FLI1: variants seen among roughly 807,000 people sequenced by gnomAD.
FLI1 encodes Fli-1 proto-oncogene, ETS transcription factor.
In FLI1, 13 loss-of-function variants were observed where a neutral mutation model predicts 53.1. The observed-to-expected ratio is 0.24, with a 90% CI of 0.16 to 0.39. The LOEUF (loss-of-function observed/expected upper bound fraction) is 0.39, where lower values mean the gene tolerates loss of function less well. FLI1 is among the 10% of genes least tolerant of loss of function. The pLI is 1.00. For synonymous variants in FLI1, 244 were observed against 236.7 expected (o/e 1.03, Z -0.28); for missense variants, 424 against 600.5 (o/e 0.71, Z 3.07).
intron 1 of FLI1, among the ~76,000 whole-genome samples, chr11:128,694,693 G>A (rs1369524105): frequency 6.6e-6 from 1 of 152,186 alleles, no homozygotes; most frequent in African/African-American, 2.4e-5. Flanking sequence ...CCGCAGAGGC[G>A]GAACACGGCG....
chr11:128,749,597 A>G (rs1940556554), intron 1 of FLI1, among the ~76,000 whole-genome samples: 1 of 152,218 alleles, frequency 6.6e-6, no homozygotes, highest in Non-Finnish European at 1.5e-5. Flanking sequence ...ATAAAGTTCC[A>G]TCTGAGTTCA....
intron 1 of FLI1, among the ~76,000 whole-genome samples, chr11:128,704,347 G>A (rs532573898): frequency 7.9e-5 from 12 of 152,180 alleles, no homozygotes; most frequent in South Asian, 2.1e-4. Context: ...GAGTTTCTCC[G>A]AGCTGGTTGT....
intron 3 of FLI1, 77 bp from the exon 4 acceptor site, chr11:128,772,705 G>T: frequency 1.8e-6 from 2 of 1,119,512 alleles, no homozygotes; most frequent in South Asian, 2.5e-5. Context: ...GGGACAAGGG[G>T]TGAGGGAGGC....
intron 1 of FLI1, among the ~76,000 whole-genome samples, chr11:128,687,109 T>C (rs1160071291): frequency 6.6e-6 from 1 of 152,256 alleles, no homozygotes; most frequent in Non-Finnish European, 1.5e-5. Flanking sequence ...CCTGTTTGCA[T>C]GTGGGCGTGT....
upstream of FLI1, chr11:128,692,576 G>T (rs1937794396): frequency 6.6e-6 from 1 of 152,156 alleles, no homozygotes; most frequent in Non-Finnish European, 1.5e-5. Flanking sequence ...CTAATTTCTA[G>T]AGAGGGAGGG....
At position 128,810,406 on chromosome 11, in the gene FLI1, C is replaced by G. The variant is rs1023287783; in HGVS notation, c.830-53C>G. ...CCTGCATTTAGGGAACTGGGTTCTG[C>G]CTTCTCTGGGCTGAGGTGTTCTGTT... On this transcript the variant is annotated intron_variant, in intron 8 of 8. Transcript: ENST00000527786. The surrounding 1 kb of genome is among the most constrained non-coding windows in gnomAD (Gnocchi z 6.6). 1.9e-5 allele frequency: 29 copies of G among 1,513,836 alleles called. No individual in the cohort carries two copies. In the Admixed American group the frequency reaches 7.2e-4, roughly 37 times the overall value. 93.8% of individuals were successfully genotyped at this position (1,513,836 alleles called of 1,614,324 possible). A position where few individuals can be genotyped will look rare whatever the true frequency, so the allele number is the denominator to read the frequency against.
intron 4 of FLI1, among the ~76,000 whole-genome samples, chr11:128,776,516 TGGTG>T (rs1490792576): frequency 4.6e-5 from 7 of 151,850 alleles, no homozygotes; most frequent in Middle Eastern, 3.4e-3. Flanking sequence ...CCAGGTGTGG[TGGTG>T]GGCGCCTGTA....
intron 7 of FLI1, among the ~76,000 whole-genome samples, chr11:128,808,672 C>T (rs966464410): frequency 2.0e-5 from 3 of 152,018 alleles, no homozygotes; most frequent in African/African-American, 7.3e-5. Context: ...TATCACATAG[C>T]TGCTGCTAAA....
chr11:128,732,361 T>C (rs369896183), intron 1 of FLI1, among the ~76,000 whole-genome samples: 15 of 152,374 alleles, frequency 9.8e-5, no homozygotes, highest in African/African-American at 3.6e-4. Flanking sequence ...ATTTTGACTC[T>C]CATGTTCTAT....
chr11:128,775,343 AAAT>A (rs1469524649), intron 4 of FLI1, among the ~76,000 whole-genome samples: 1 of 152,058 alleles, frequency 6.6e-6, no homozygotes, highest in East Asian at 1.9e-4. Flanking sequence ...CAAAAAATTA[AAAT>A]AATCGTGTTA....
chr11:128,788,951 A>C (rs1942182934), intron 5 of FLI1, among the ~76,000 whole-genome samples: 1 of 152,198 alleles, frequency 6.6e-6, no homozygotes, highest in African/African-American at 2.4e-5. Context: ...GTAAGTAAGG[A>C]ACTACTGTGC....
chr11:128,764,857 G>C, intron 2 of FLI1: 1 of 1,586,990 alleles, frequency 6.3e-7, no homozygotes, highest in Non-Finnish European at 8.5e-7. Context: ...TGAGCAGTGG[G>C]AGGAGGGCCA....
intron 3 of FLI1, among the ~76,000 whole-genome samples, chr11:128,768,688 C>CAAAAAAA (rs34066469): frequency 2.1e-4 from 16 of 77,766 alleles, no homozygotes; most frequent in African/African-American, 7.8e-4. Context: ...GACTCTGTCT[C>CAAAAAAA]AAAAAAAAAA....
chr11:128,737,459 G>T (rs766837761), intron 1 of FLI1, among the ~76,000 whole-genome samples: 1 of 152,172 alleles, frequency 6.6e-6, no homozygotes, highest in Non-Finnish European at 1.5e-5. Context: ...ATGAGTTCTA[G>T]AACTTGAACA....
chr11:128,706,551 A>G (rs529532894), intron 1 of FLI1, among the ~76,000 whole-genome samples: 2 of 152,308 alleles, frequency 1.3e-5, no homozygotes, highest in African/African-American at 4.8e-5. Flanking sequence ...CTGAGGCTTC[A>G]AGATGTAGTG....
chr11:128,807,167 C>G lies in FLI1; in HGVS notation c.722-13C>G, dbSNP rs955427551. On this transcript the variant is annotated splice_polypyrimidine_tract_variant and intron_variant, in intron 6 of 8. Transcript: ENST00000527786. ...GGGTCCTACTCACTGCATTTCTTTC[C>G]CTCTTGCCACAGGTCCTCCCCTTGG... 1.3e-6 allele frequency: 2 copies of G among 1,579,110 alleles called. No homozygotes were observed. The highest frequency in any genetic ancestry group is 2.7e-5 in the African/African-American group (2 of 73,508).
chr11:128,797,562 C>T (rs945214858), intron 5 of FLI1, among the ~76,000 whole-genome samples: 2 of 152,224 alleles, frequency 1.3e-5, no homozygotes, highest in Non-Finnish European at 2.9e-5. Context: ...TAGCATTCAT[C>T]GCCTTCTAAT....
intron 7 of FLI1, among the ~76,000 whole-genome samples, chr11:128,808,709 G>A (rs1034021352): frequency 6.7e-6 from 1 of 148,398 alleles, no homozygotes; most frequent in Admixed American, 6.8e-5. Flanking sequence ...TTCTAGGCAT[G>A]TGTTTTTCAT....
At chr11:128,781,918 GA>G in intron 4 of FLI1, 39 bp from the exon 5 acceptor site, 1 of 1,523,580 alleles carries the variant, frequency 6.6e-7, no homozygotes, top group Non-Finnish European at 9.1e-7. Context: ...GATCTCAGAA[GA>G]ACATTTTGGT....
Sources: allele counts gnomAD v4.1 joint callset (sites outside exome capture counted in the v4.1 genomes callset), GRCh38; gene constraint gnomAD v4.1.1; non-coding constraint Gnocchi (gnomAD v3.1); transcripts MANE v1.5; gene names NCBI Gene and HGNC (gene_info 2026-07-23, HGNC 2026-07-21).